The following ARPP19 variants were observed in gnomAD, a reference collection of about 807,000 sequenced individuals.
ARPP19 encodes cAMP regulated phosphoprotein 19.
A neutral mutation model predicts 12.0 loss-of-function variants in ARPP19; 8 were observed. The observed-to-expected ratio is 0.67, with a 90% confidence interval of 0.39 to 1.21. The LOEUF is 1.21. Ranked by LOEUF, ARPP19 falls within the 50% of genes most tolerant of loss-of-function variation. The pLI, the probability that ARPP19 is intolerant of heterozygous loss-of-function variation, is 0.01. For synonymous variants in ARPP19, 47 were observed against 50.4 expected (o/e 0.93, Z 0.29); for missense variants, 102 against 136.3 (o/e 0.75, Z 1.25).
intron 1 of ARPP19, among the ~76,000 whole-genome samples, chr15:52,560,597 T>G (rs183257304): frequency 1.1e-3 from 160 of 152,344 alleles, no homozygotes; most frequent in Non-Finnish European, 1.8e-3. Context: ...TAAACACCAT[T>G]AAGACTTCCA....
At chr15:52,564,551 T>G (rs556641601) in intron 1 of ARPP19, among the ~76,000 whole-genome samples, 116 of 152,358 alleles carry the variant, frequency 7.6e-4, no homozygotes, top group African/African-American at 2.7e-3. Flanking sequence ...ATGGTTGATA[T>G]ATTAAAATAA....
At chr15:52,558,349 C>A (rs1407605687) in intron 1 of ARPP19, among the ~76,000 whole-genome samples, 2 of 151,742 alleles carry the variant, frequency 1.3e-5, no homozygotes, top group Non-Finnish European at 2.9e-5. Flanking sequence ...ACTCAAAAGG[C>A]TGAGGCAAAA....
chr15:52,561,818 T>A (rs1208632502), intron 1 of ARPP19, among the ~76,000 whole-genome samples: 3 of 151,192 alleles, frequency 2.0e-5, no homozygotes, highest in Admixed American at 2.0e-4. Context: ...AGTACACATT[T>A]AAAAAAATCT....
chr15:52,558,373 AT>A (rs2078000901), intron 1 of ARPP19, among the ~76,000 whole-genome samples: 1 of 151,652 alleles, frequency 6.6e-6, no homozygotes, highest in Non-Finnish European at 1.5e-5. Context: ...CTGCTTAAGC[AT>A]GGAAGGTTGA....
In ARPP19 at chr15:52,550,637, T is replaced by C. The variant is rs1292099952; in HGVS notation, c.*1297A>G. 3 of 150,924 alleles carry C rather than the reference T, an allele frequency of 2.0e-5. No individual in the cohort carries two copies. The highest frequency in any genetic ancestry group is 4.4e-5 in the Non-Finnish European group (3 of 67,796). The allele number at this position is 150,924 out of a possible 1,614,324, so 9.3% of individuals were successfully genotyped here. A position where few individuals can be genotyped will look rare whatever the true frequency, so the allele number is the denominator to read the frequency against. On this transcript the variant is annotated 3_prime_UTR_variant, in exon 3 of 3. Transcript: ENST00000249822. ...ATCCTAAAAAAAAAAGAGAAAGAAG[T>C]TAACAACTGAGAAATTAGAAGGAAA... is the stretch of plus-strand genomic sequence containing the variant.
upstream of ARPP19, chr15:52,569,119 A>C: frequency 1.9e-6 from 1 of 530,684 alleles, no homozygotes; most frequent in South Asian, 2.4e-5. Flanking sequence ...TACCTACTTG[A>C]CCCCGCTTCT....
chr15:52,557,614 T>C (rs956455242), intron 1 of ARPP19: 1 of 153,726 alleles, frequency 6.5e-6, no homozygotes, highest in African/African-American at 2.4e-5. Flanking sequence ...ATTTTTTCTA[T>C]TTATCTAAAA....
At chr15:52,568,647 A>G in intron 1 of ARPP19, 1 of 480,236 alleles carries the variant, frequency 2.1e-6, no homozygotes, top group East Asian at 3.7e-5. Context: ...CACGATTCGG[A>G]GTAAACGCGG....
chr15:52,565,980 G>A (rs1444573682), intron 1 of ARPP19, among the ~76,000 whole-genome samples: 1 of 151,912 alleles, frequency 6.6e-6, no homozygotes, highest in Non-Finnish European at 1.5e-5. Context: ...TCAGCCTCCT[G>A]AGTAGCTGGA....
intron 1 of ARPP19, among the ~76,000 whole-genome samples, chr15:52,566,215 G>A (rs975329834): frequency 6.6e-6 from 1 of 152,176 alleles, no homozygotes; most frequent in Non-Finnish European, 1.5e-5. Context: ...CAGGAGTACA[G>A]TGGTATGATC....
In ARPP19 at chr15:52,550,825, C is replaced by T. The variant is rs1432476073; in HGVS notation, c.*1109G>A. The T allele has an allele frequency of 2.0e-5, 3 of 152,494 alleles. No individual in the cohort carries two copies. The East Asian group carries it at 5.8e-4, about 29-fold the overall frequency. The allele number at this position is 152,494 out of a possible 1,614,324, so 9.4% of individuals were successfully genotyped here. A position where few individuals can be genotyped will look rare whatever the true frequency, so the allele number is the denominator to read the frequency against. The stretch of plus-strand genomic sequence containing the variant: ...ATTGAAGCCTTTTATTCTAGGGTCT[C>T]CAAAACTGAGTGTGGAAGTAAAAAG... On this transcript the variant is annotated 3_prime_UTR_variant, in exon 3 of 3. Transcript: ENST00000249822.
At chr15:52,564,051 T>C in intron 1 of ARPP19, 2 of 591,172 alleles carry the variant, frequency 3.4e-6, no homozygotes, top group Non-Finnish European at 5.8e-6. Flanking sequence ...ATATTTTATG[T>C]TATAGTAAAC....
intron 1 of ARPP19, among the ~76,000 whole-genome samples, chr15:52,558,206 C>T: frequency 6.6e-6 from 1 of 152,098 alleles, no homozygotes; most frequent in East Asian, 1.9e-4. Flanking sequence ...AATCCCAACA[C>T]TTTGGGAGCT....
intron 2 of ARPP19, among the ~76,000 whole-genome samples, chr15:52,553,532 G>A (rs1275128578): frequency 3.3e-5 from 5 of 152,166 alleles, no homozygotes; most frequent in Non-Finnish European, 7.3e-5. Flanking sequence ...TGTGAGAGCT[G>A]GAGTCAGATA....
chr15:52,565,181 G>A lies in ARPP19; in HGVS notation c.45+3667C>T, dbSNP rs149700373. Among the ~76,000 whole-genome samples, 387 of 151,940 alleles carry A rather than the reference G, an allele frequency of 2.5e-3. 1 individual carries two copies. Among genetic ancestry groups the A allele is most frequent in the Non-Finnish European group, 5.0e-3 (338 of 67,964 alleles). On this transcript the variant is annotated intron_variant, in intron 1 of 2. Transcript: ENST00000249822. ...CTCCCCTCAGCCTCTGGAGTAGGTGGGACTACAGGTGTAGATTTATTATTT... is the reference window on the plus strand; with the variant it reads ...CTCCCCTCAGCCTCTGGAGTAGGTGAGACTACAGGTGTAGATTTATTATTT...
At chr15:52,562,518 A>C (rs1220557661) in intron 1 of ARPP19, among the ~76,000 whole-genome samples, 10 of 152,154 alleles carry the variant, frequency 6.6e-5, no homozygotes. Flanking sequence ...AAATTTAAAA[A>C]TTAGATAGGT....
intron 1 of ARPP19, chr15:52,564,362 T>C (rs2078062431): frequency 1.4e-6 from 1 of 719,360 alleles, no homozygotes; most frequent in East Asian, 2.7e-5. Flanking sequence ...CAATATGCTA[T>C]CATTGTGCCA....
At chr15:52,561,125 C>T (rs1010974947) in intron 1 of ARPP19, among the ~76,000 whole-genome samples, 11 of 152,180 alleles carry the variant, frequency 7.2e-5, no homozygotes, top group African/African-American at 1.4e-4. Flanking sequence ...GTAAAATAAG[C>T]GATTTATCCA....
Position 52,550,170 on chromosome 15 carries a change from G to C in ARPP19, c.*1764C>G, listed in dbSNP as rs1464487743. The C allele has an allele frequency of 6.6e-6, 1 of 152,222 alleles. No homozygotes were observed. Among genetic ancestry groups the C allele is most frequent in the Non-Finnish European group, 1.5e-5 (1 of 68,050 alleles). 9.4% of individuals were successfully genotyped at this position (152,222 alleles called of 1,614,324 possible). A position where few individuals can be genotyped will look rare whatever the true frequency, so the allele number is the denominator to read the frequency against. ...TCAAGCTACTGATCCTGAGTATCATGCTACAGCATTACAACTACTTGTGAG... is the reference window on the plus strand; with the variant it reads ...TCAAGCTACTGATCCTGAGTATCATCCTACAGCATTACAACTACTTGTGAG... On this transcript the variant is annotated 3_prime_UTR_variant, in exon 3 of 3. Transcript: ENST00000249822.
Sources: gnomAD v4.1 joint callset for allele counts (sites outside exome capture counted in the v4.1 genomes callset) on GRCh38, gnomAD v4.1.1 for gene constraint, MANE v1.5 for transcripts, NCBI Gene and HGNC (gene_info 2026-07-23, HGNC 2026-07-21) for gene names.